The following LRRIQ1 variants were observed in gnomAD, a reference collection of about 807,000 sequenced individuals.
LRRIQ1 encodes the protein leucine-rich repeat- and IQ domain-containing protein 1.
Under a neutral mutation model 211.9 loss-of-function variants are expected in LRRIQ1, and 210 were observed. The observed-to-expected ratio is 0.99, with a 90% CI of 0.89 to 1.11. LRRIQ1 has a LOEUF of 1.11. Ranked by LOEUF, LRRIQ1 falls within the 50% of genes most tolerant of loss-of-function variation. The pLI, the probability that LRRIQ1 is intolerant of heterozygous loss-of-function variation, is 0.00. For synonymous variants in LRRIQ1, 699 were observed against 650.1 expected (o/e 1.08, Z -1.14); for missense variants, 2,136 against 1,939.5 (o/e 1.10, Z -1.90).
At chr12:85,231,529 A>T (rs1894940043) in intron 25 of LRRIQ1, among the ~76,000 whole-genome samples, 1 of 152,128 alleles carries the variant, frequency 6.6e-6, no homozygotes, top group African/African-American at 2.4e-5. Context: ...TAATTAATTA[A>T]AAAAAGAGGT....
At chr12:85,084,074 A>C (rs1884577211) in intron 11 of LRRIQ1, among the ~76,000 whole-genome samples, 1 of 152,206 alleles carries the variant, frequency 6.6e-6, no homozygotes, top group African/African-American at 2.4e-5. Context: ...ATCAGAGTAA[A>C]GCTATTTTTG....
chr12:85,257,854 A>G (rs887789461), intron 1 of LRRIQ1, among the ~76,000 whole-genome samples: 1 of 151,760 alleles, frequency 6.6e-6, no homozygotes, highest in African/African-American at 2.4e-5. Flanking sequence ...TTAGCACCAC[A>G]TTTGTAGCGC....
Position 85,038,302 on chromosome 12 carries a change from T to A in LRRIQ1, c.126T>A (p.Ser42Arg). 1.3e-6 allele frequency: 2 copies of A among 1,562,724 alleles called. No homozygotes were observed. Among genetic ancestry groups the A allele is most frequent in the Non-Finnish European group, 1.7e-6 (2 of 1,152,384 alleles). Residue 42 changes from serine to arginine, a missense_variant, in exon 2 of 27, where the codon AGT becomes AGA. Transcript: ENST00000393217. ...AATCAGAAACCCAGAGTGATGATAG[T>A]GATACAGTGAGTATTGCACTTTTGA... is the stretch of plus-strand genomic sequence containing the variant. Reference protein sequence around the residue: ...DAKSETQSDDSDTDSVELPES... With the variant: ...DAKSETQSDDRDTDSVELPES...
chr12:85,257,733 C>T (rs1896161042), intron 1 of LRRIQ1, among the ~76,000 whole-genome samples: 1 of 151,650 alleles, frequency 6.6e-6, no homozygotes. Flanking sequence ...ATCACAAAAC[C>T]CTTTTAGATT....
intron 24 of LRRIQ1, among the ~76,000 whole-genome samples, chr12:85,168,447 G>A (rs1891256765): frequency 6.6e-6 from 1 of 152,148 alleles, no homozygotes; most frequent in African/African-American, 2.4e-5. Context: ...GCACAAAGTA[G>A]CCAGGTGGCA....
At chr12:85,262,076 C>T (rs1169804294) in intron 1 of LRRIQ1, among the ~76,000 whole-genome samples, 1 of 152,212 alleles carries the variant, frequency 6.6e-6, no homozygotes, top group Non-Finnish European at 1.5e-5. Flanking sequence ...GCGTAAGCCA[C>T]TGCGCCAGGC....
chr12:85,100,726 G>A (rs1363336302), intron 13 of LRRIQ1, among the ~76,000 whole-genome samples: 1 of 151,652 alleles, frequency 6.6e-6, no homozygotes, highest in African/African-American at 2.4e-5. Flanking sequence ...ATTATTGAGA[G>A]GATGAAGGGA....
At chr12:85,232,185 G>A (rs1306306866) in intron 25 of LRRIQ1, among the ~76,000 whole-genome samples, 3 of 151,764 alleles carry the variant, frequency 2.0e-5, no homozygotes, top group Non-Finnish European at 2.9e-5. Context: ...TATTAAATAG[G>A]TAGTCATATT....
At chr12:85,165,008 G>A (rs904945426) in intron 24 of LRRIQ1, among the ~76,000 whole-genome samples, 42 of 152,040 alleles carry the variant, frequency 2.8e-4, no homozygotes, top group African/African-American at 8.5e-4. Flanking sequence ...GTGCCAACAT[G>A]GTAATGAAGA....
chr12:85,212,687 T>C (rs1384142272), intron 24 of LRRIQ1, among the ~76,000 whole-genome samples: 1 of 150,998 alleles, frequency 6.6e-6, no homozygotes, highest in Non-Finnish European at 1.5e-5. Context: ...TAGATTACGT[T>C]AAATTCCATG....
intron 23 of LRRIQ1, among the ~76,000 whole-genome samples, chr12:85,159,108 A>C (rs1400446185): frequency 6.6e-6 from 1 of 152,012 alleles, no homozygotes; most frequent in Non-Finnish European, 1.5e-5. Context: ...CTCTTGGAGA[A>C]TAAAATTATT....
chr12:85,150,196 C>T, intron 19 of LRRIQ1, among the ~76,000 whole-genome samples: 1 of 151,720 alleles, frequency 6.6e-6, no homozygotes, highest in African/African-American at 2.4e-5. Flanking sequence ...ATAACCACTC[C>T]TCAGGTGGCA....
At chr12:85,163,830 A>T (rs948237431) in intron 24 of LRRIQ1, among the ~76,000 whole-genome samples, 2 of 151,952 alleles carry the variant, frequency 1.3e-5, no homozygotes, top group Admixed American at 6.6e-5. Flanking sequence ...ATGTTCTTCT[A>T]TTTTTTCTAT....
intron 24 of LRRIQ1, among the ~76,000 whole-genome samples, chr12:85,228,025 G>C (rs1295520855): frequency 6.6e-6 from 1 of 152,162 alleles, no homozygotes; most frequent in African/African-American, 2.4e-5. Context: ...ATCAATTCAA[G>C]ATGGATTAAA....
chr12:85,154,213 G>A (rs1293789109), intron 23 of LRRIQ1, 119 bp downstream of exon 23: 1 of 453,602 alleles, frequency 2.2e-6, no homozygotes, highest in South Asian at 6.4e-5. Context: ...AGATGACTAT[G>A]TCTAAGATAC....
intron 18 of LRRIQ1, among the ~76,000 whole-genome samples, chr12:85,134,380 G>T (rs1253033367): frequency 6.6e-6 from 1 of 151,978 alleles, no homozygotes; most frequent in South Asian, 2.1e-4. Flanking sequence ...CATTTATTTA[G>T]CATACAGTTT....
intron 26 of LRRIQ1, among the ~76,000 whole-genome samples, chr12:85,237,473 T>G (rs1221289634): frequency 6.6e-6 from 1 of 152,076 alleles, no homozygotes; most frequent in East Asian, 1.9e-4. Flanking sequence ...GTGGTTTCCT[T>G]AGGTGTTTGG....
At chr12:85,184,985 A>G (rs1892161204) in intron 24 of LRRIQ1, among the ~76,000 whole-genome samples, 2 of 152,114 alleles carry the variant, frequency 1.3e-5, no homozygotes, top group South Asian at 2.1e-4. Context: ...TACACTTTTC[A>G]TAAGGATCAT....
At chr12:85,103,049 A>G (rs1056286054) in intron 13 of LRRIQ1, among the ~76,000 whole-genome samples, 9 of 147,792 alleles carry the variant, frequency 6.1e-5, no homozygotes, top group South Asian at 2.1e-4. Context: ...TTAATTTCCA[A>G]ATAGCTACAG....
Sources: gnomAD v4.1 joint callset for allele counts (sites outside exome capture counted in the v4.1 genomes callset) on GRCh38, gnomAD v4.1.1 for gene constraint, MANE v1.5 for transcripts, NCBI Gene and HGNC (gene_info 2026-07-23, HGNC 2026-07-21) for gene names.